The following MACF1 variants were observed in gnomAD, a reference collection of about 807,000 sequenced individuals.
MACF1 encodes the protein microtubule actin crosslinking factor 1, also known as microtubule-actin cross-linking factor 1.
Under a neutral mutation model 854.8 loss-of-function variants are expected in MACF1, and 193 were observed. That is an observed-to-expected ratio of 0.23 (90% CI 0.20 to 0.25). MACF1 has a LOEUF of 0.25. Among genes scored for constraint, MACF1 ranks in the 10% least tolerant of loss-of-function variants. The pLI is 1.00. For synonymous variants in MACF1, 3,185 were observed against 3,226.7 expected, an observed-to-expected ratio of 0.99 and a Z score of 0.44; for missense variants, 7,722 against 8,929.1, an observed-to-expected ratio of 0.86 and a Z score of 5.45.
In MACF1 at chr1:39,105,846, T is replaced by C; in HGVS notation, c.220+21408T>C. The C allele has an allele frequency of 5.6e-6, 4 of 717,172 alleles. No individual in the cohort carries two copies. The highest frequency in any genetic ancestry group is 1.9e-5 in the African/African-American group (1 of 51,934). The allele number at this position is 717,172 out of a possible 1,614,324, so 44.4% of individuals were successfully genotyped here. A position where few individuals can be genotyped will look rare whatever the true frequency, so the allele number is the denominator to read the frequency against. On this transcript the variant is annotated intron_variant, in intron 2 of 93. Coordinates refer to the MACF1 transcript ENST00000361689. This position sits in a 1 kb window ranked among gnomAD's most constrained non-coding sequence, Gnocchi z 5.9. Reference sequence around the variant, plus strand: ...GCACCCACCGCGCGGGGCTTGGCCCTGAGCTGCTGCTTCTCGGGGCCAGTT... The same window carrying C: ...GCACCCACCGCGCGGGGCTTGGCCCCGAGCTGCTGCTTCTCGGGGCCAGTT...
At chr1:39,361,815 C>G (rs933314175) in intron 49 of MACF1, 138 bp downstream of exon 49, 2 of 787,078 alleles carry the variant, frequency 2.5e-6, no homozygotes, top group Non-Finnish European at 4.1e-6. Context: ...TTACAGTGAT[C>G]CCGTAAACTA....
chr1:39,234,848 T>C (rs868036088), intron 2 of MACF1, among the ~76,000 whole-genome samples: 1 of 37,990 alleles, frequency 2.6e-5, no homozygotes, highest in Non-Finnish European at 8.5e-5. Flanking sequence ...TGGGCAGAGG[T>C]GCTCCTCACA....
At chr1:39,196,136 G>A (rs954305295) in intron 2 of MACF1, among the ~76,000 whole-genome samples, 1 of 152,136 alleles carries the variant, frequency 6.6e-6, no homozygotes, top group Non-Finnish European at 1.5e-5. Flanking sequence ...GGAAATTGAG[G>A]TTCCATGAAG....
chr1:39,262,860 C>CTTGGTATTTCTTTGCTTG (rs1645180935), intron 6 of MACF1, among the ~76,000 whole-genome samples: 2 of 152,188 alleles, frequency 1.3e-5, no homozygotes, highest in Admixed American at 1.3e-4. Flanking sequence ...TTTTCTTTGC[C>CTTGGTATTTCTTTGCTTG]GTTCTGAGGG....
chr1:39,465,251 C>A, intron 95 of MACF1, 139 bp downstream of exon 95: 1 of 816,748 alleles, frequency 1.2e-6, no homozygotes, highest in Non-Finnish European at 2.2e-6. Context: ...AGTGGAGAAA[C>A]TGTTGATGGG....
chr1:39,328,834 T>C (rs1244946160), intron 36 of MACF1: 4 of 152,234 alleles, frequency 2.6e-5, no homozygotes, highest in African/African-American at 9.6e-5. Context: ...GCTGAGTATT[T>C]CCTGCCTATC....
intron 6 of MACF1, among the ~76,000 whole-genome samples, chr1:39,266,574 T>G (rs1307662172): frequency 5.3e-5 from 8 of 151,260 alleles, no homozygotes; most frequent in Non-Finnish European, 1.0e-4. Flanking sequence ...TTCTTGTTGC[T>G]TTCCTTTTGT....
At position 39,115,069 on chromosome 1, in the gene MACF1, T is replaced by A. The variant is rs1031179456; in HGVS notation, c.220+30631T>A. Among the ~76,000 whole-genome samples, 8 of 152,280 alleles carry A rather than the reference T, an allele frequency of 5.3e-5. No individual in the cohort carries two copies. The East Asian group carries it at 1.5e-3, about 29-fold the overall frequency. On this transcript the variant is annotated intron_variant, in intron 2 of 93. Transcript: ENST00000361689. Reference sequence around the variant, plus strand: ...GGGAGAGTGGGCAGGACAAAAATGTTGACTGGCTTTGTATGTCATATTGTA... The same window carrying A: ...GGGAGAGTGGGCAGGACAAAAATGTAGACTGGCTTTGTATGTCATATTGTA...
intron 6 of MACF1, chr1:39,269,501 C>G (rs1012743848): frequency 5.4e-6 from 7 of 1,289,734 alleles, no homozygotes; most frequent in South Asian, 1.2e-5. Flanking sequence ...AAGTGCCCCC[C>G]CAGGATTCCA....
At chr1:39,381,279 A>G (rs1242716727) in intron 55 of MACF1, among the ~76,000 whole-genome samples, 1 of 147,316 alleles carries the variant, frequency 6.8e-6, no homozygotes, top group Non-Finnish European at 1.5e-5. Context: ...CTGGTCTCGA[A>G]CTCCCGACCT....
At chr1:39,295,249 A>G (rs752590626) in intron 19 of MACF1, 99 bp downstream of exon 19, 4 of 956,342 alleles carry the variant, frequency 4.2e-6, no homozygotes, top group Non-Finnish European at 6.5e-6. Flanking sequence ...ACTTGGAGGA[A>G]GTGTCAGGGA....
At chr1:39,227,773 GA>G (rs1044586763) in intron 1 of MACF1, among the ~76,000 whole-genome samples, 100 of 152,224 alleles carry the variant, frequency 6.6e-4, no homozygotes, top group African/African-American at 2.3e-3. Flanking sequence ...GCAGTTCTTT[GA>G]ACATAAGCTT....
intron 41 of MACF1, among the ~76,000 whole-genome samples, chr1:39,348,727 C>G (rs1017081035): frequency 6.6e-6 from 1 of 152,160 alleles, no homozygotes; most frequent in Non-Finnish European, 1.5e-5. Context: ...GAGAACACAT[C>G]ATGCTCAATT....
intron 86 of MACF1, 38 bp downstream of exon 86, chr1:39,452,388 C>A: frequency 6.4e-7 from 1 of 1,568,878 alleles, no homozygotes; most frequent in Non-Finnish European, 8.7e-7. Context: ...AGGGATAGAT[C>A]TGAGTGGGTT....
At chr1:39,270,085 G>T (rs566603371) in intron 6 of MACF1, among the ~76,000 whole-genome samples, 1 of 152,226 alleles carries the variant, frequency 6.6e-6, no homozygotes, top group Non-Finnish European at 1.5e-5. Flanking sequence ...CGATGGGGAA[G>T]GGCCTAACTG....
chr1:39,260,755 C>T (rs1425212431), intron 6 of MACF1, among the ~76,000 whole-genome samples: 1 of 152,064 alleles, frequency 6.6e-6, no homozygotes, highest in Admixed American at 6.6e-5. Flanking sequence ...AAACAAAAAA[C>T]CCCATGAATT....
intron 58 of MACF1, among the ~76,000 whole-genome samples, chr1:39,419,798 A>AGTGTGTGT (rs3080664): frequency 0.061 from 8,015 of 130,936 alleles, 318 homozygotes; most frequent in East Asian, 0.085. Flanking sequence ...ATGCCTGGCT[A>AGTGTGTGT]GTGTGTGTGT....
intron 97 of MACF1, among the ~76,000 whole-genome samples, chr1:39,474,787 T>C (rs1171701657): frequency 6.6e-6 from 1 of 152,144 alleles, no homozygotes; most frequent in East Asian, 1.9e-4. Flanking sequence ...AGTGAGACTG[T>C]ATCTCAAGAA....
chr1:39,178,736 G>T (rs1644065736), intron 2 of MACF1, among the ~76,000 whole-genome samples: 1 of 152,176 alleles, frequency 6.6e-6, no homozygotes, highest in African/African-American at 2.4e-5. Context: ...CTGGTCTGGT[G>T]TCTCACTCCT....
Sources: allele counts gnomAD v4.1 joint callset (sites outside exome capture counted in the v4.1 genomes callset), GRCh38; gene constraint gnomAD v4.1.1; non-coding constraint Gnocchi (gnomAD v3.1); transcripts MANE v1.5; gene names NCBI Gene and HGNC (gene_info 2026-07-23, HGNC 2026-07-21).